SLC29A3: variants seen among roughly 807,000 people sequenced by gnomAD.
SLC29A3 encodes the protein equilibrative nucleoside transporter 3.
SLC29A3 carries 18 observed loss-of-function variants against 25.4 expected under a neutral mutation model. The observed-to-expected ratio is 0.71, with a 90% CI of 0.49 to 1.05. SLC29A3 has a LOEUF of 1.05. SLC29A3 is among the 50% of genes least tolerant of loss of function. The pLI is 0.00. For missense variants in SLC29A3, 586 were observed against 609.0 expected, an observed-to-expected ratio of 0.96 and a Z score of 0.40; for synonymous variants, 258 against 267.1, an observed-to-expected ratio of 0.97 and a Z score of 0.33.
chr10:71,356,430 CCT>C (rs1490745253), intron 5 of SLC29A3, among the ~76,000 whole-genome samples, 187 bp downstream of exon 5: 1 of 152,216 alleles, frequency 6.6e-6, no homozygotes, highest in African/African-American at 2.4e-5. Flanking sequence ...GCAGTTGGAG[CCT>C]CAAGTTTAAT....
At chr10:71,337,570 G>A (rs1233857982) in intron 2 of SLC29A3, among the ~76,000 whole-genome samples, 2 of 152,214 alleles carry the variant, frequency 1.3e-5, no homozygotes, top group African/African-American at 4.8e-5. Flanking sequence ...CTTCCTGGAG[G>A]TGGGGGCTGC....
At chr10:71,357,445 C>T (rs976614141) in intron 5 of SLC29A3, among the ~76,000 whole-genome samples, 2 of 152,148 alleles carry the variant, frequency 1.3e-5, no homozygotes, top group Admixed American at 1.3e-4. Context: ...GAGACAGAGT[C>T]TCACTATGTT....
In SLC29A3 at chr10:71,322,819, GCAGT is replaced by G. The variant is rs1318676764; in HGVS notation, c.67_70del (p.Leu24GlufsTer76). On this transcript the variant is annotated frameshift_variant, in exon 2 of 6. Coordinates refer to ENST00000373189, the MANE Select transcript of SLC29A3 (RefSeq NM_018344.6). LOFTEE classifies it high-confidence loss of function. ...AACTCCACCTACAGAACCACAAGCAGCAGTCTCCGAGCTGACCAGGAGGCACTGC... is the reference window on the plus strand; with the variant it reads ...AACTCCACCTACAGAACCACAAGCAGCTCCGAGCTGACCAGGAGGCACTGC... The G allele has an allele frequency of 4.3e-6, 7 of 1,614,070 alleles. No homozygotes were observed. The African/African-American group carries it at 9.3e-5, about 22-fold the overall frequency.
intron 4 of SLC29A3, among the ~76,000 whole-genome samples, chr10:71,376,582 A>G (rs1224657871): frequency 2.6e-5 from 4 of 152,234 alleles, no homozygotes; most frequent in African/African-American, 9.6e-5. Flanking sequence ...CAGTACCAGA[A>G]GGGCAAAGAA....
intron 2 of SLC29A3, among the ~76,000 whole-genome samples, chr10:71,325,614 G>C: frequency 6.6e-6 from 1 of 152,142 alleles, no homozygotes; most frequent in East Asian, 1.9e-4. Context: ...GGAATTCACA[G>C]ATGCCTCCCA....
intron 4 of SLC29A3, among the ~76,000 whole-genome samples, chr10:71,378,311 C>T (rs112667290): frequency 0.021 from 3,176 of 152,278 alleles, 52 homozygotes; most frequent in African/African-American, 0.041. Context: ...GTCAAACTAC[C>T]TTGCAAGCTT....
chr10:71,327,587 C>T (rs1156384122), intron 2 of SLC29A3, among the ~76,000 whole-genome samples: 2 of 152,126 alleles, frequency 1.3e-5, no homozygotes. Flanking sequence ...GGTAACCTGC[C>T]TGAGATTACA....
downstream of SLC29A3, among the ~76,000 whole-genome samples, chr10:71,366,970 C>T (rs2185416): frequency 0.19 from 28,657 of 152,112 alleles, 2,908 homozygotes; most frequent in East Asian, 0.23. Flanking sequence ...GCCTGGTTCC[C>T]GGTCTAGCTT....
intron 4 of SLC29A3, among the ~76,000 whole-genome samples, chr10:71,354,662 G>T (rs1055342659): frequency 6.6e-6 from 1 of 152,178 alleles, no homozygotes; most frequent in Non-Finnish European, 1.5e-5. Context: ...TGCCCACACG[G>T]ACCCAGCCTT....
intron 2 of SLC29A3, 74 bp from the exon 3 acceptor site, chr10:71,344,133 CCT>C (rs1390886075): frequency 8.5e-7 from 1 of 1,176,108 alleles, no homozygotes; most frequent in Non-Finnish European, 1.3e-6. Flanking sequence ...AGAGAGGGGC[CCT>C]GTCTCTGCTC....
Position 71,362,190 on chromosome 10 carries a change from C to T in SLC29A3, c.1010C>T (p.Ser337Leu), listed in dbSNP as rs200249218. ...AACATCGAGTCCCTCAACAAGGGTT[C>T]GGGCTCACTGTGGACCACCAAGTTT... ...CTNIESLNKGSGSLWTTKFFI... is the reference protein window; with the variant it reads ...CTNIESLNKGLGSLWTTKFFI... Residue 337 changes from serine (S) to leucine (L), a missense_variant, in exon 6 of 6, where the codon TCG becomes TTG. By Grantham distance (145) the Ser-to-Leu change is moderately radical (BLOSUM62 -2). Coordinates refer to ENST00000373189, the MANE Select transcript of SLC29A3 (RefSeq NM_018344.6). 54 of 1,614,118 alleles carry T rather than the reference C, an allele frequency of 3.3e-5. No homozygotes were observed. Among genetic ancestry groups the T allele is most frequent in the South Asian group, 1.2e-4 (11 of 91,082 alleles).
chr10:71,374,520 G>GGTGT (rs35500481), intron 3 of SLC29A3, among the ~76,000 whole-genome samples: 7 of 151,528 alleles, frequency 4.6e-5, no homozygotes, highest in Non-Finnish European at 7.4e-5. Context: ...TCCATGTTGG[G>GGTGT]GTGTGTGTGT....
intron 3 of SLC29A3, among the ~76,000 whole-genome samples, chr10:71,348,864 A>G (rs929446535): frequency 1.2e-4 from 19 of 152,156 alleles, no homozygotes; most frequent in Non-Finnish European, 2.2e-4. Context: ...TGAAGGTGGG[A>G]GAGTATGGAA....
chr10:71,362,041 C>T lies in SLC29A3; in HGVS notation c.861C>T (p.Ala287=), dbSNP rs1176358972. The T allele has an allele frequency of 1.2e-6, 2 of 1,614,060 alleles. No homozygotes were observed. Among genetic ancestry groups the T allele is most frequent in the African/African-American group, 1.3e-5 (1 of 74,916 alleles). The change falls in exon 6 of 6, where the codon GCC becomes GCT. Residue 287 remains alanine, a synonymous_variant. Transcript: ENST00000373189. ...ACTCCCTCAGTGCCCCTTCGGTGGC[C>T]TCCAGATTCATTGATTCCCACACAC... ...PQDSLSAPSV[A]SRFIDSHTPP...
At chr10:71,347,173 AC>A (rs1846612734) in intron 3 of SLC29A3, among the ~76,000 whole-genome samples, 1 of 152,102 alleles carries the variant, frequency 6.6e-6, no homozygotes, top group Non-Finnish European at 1.5e-5. Context: ...CTCCTGGAGA[AC>A]CGTGGCTTTC....
intron 3 of SLC29A3, among the ~76,000 whole-genome samples, chr10:71,346,619 C>T (rs1377323205): frequency 2.6e-5 from 4 of 152,132 alleles, no homozygotes; most frequent in Admixed American, 2.6e-4. Context: ...GCAGGAGGAT[C>T]GCTTGAGCCG....
At chr10:71,333,279 C>T (rs1846163087) in intron 2 of SLC29A3, among the ~76,000 whole-genome samples, 1 of 152,240 alleles carries the variant, frequency 6.6e-6, no homozygotes, top group Non-Finnish European at 1.5e-5. Context: ...CAGCCTTTGC[C>T]TGTTTAATGG....
At chr10:71,332,152 C>CTTTTTTTTT (rs10716665) in intron 2 of SLC29A3, among the ~76,000 whole-genome samples, 7 of 135,250 alleles carry the variant, frequency 5.2e-5, no homozygotes, top group East Asian at 2.1e-4. Context: ...TCTTTTTTTT[C>CTTTTTTTTT]TTTTTTTTTT....
At chr10:71,332,445 C>T (rs376755673) in intron 2 of SLC29A3, among the ~76,000 whole-genome samples, 9 of 152,266 alleles carry the variant, frequency 5.9e-5, no homozygotes, top group African/African-American at 2.2e-4. Flanking sequence ...CCACTGCACC[C>T]TACCAGCAAT....
Sources: allele counts gnomAD v4.1 joint callset (sites outside exome capture counted in the v4.1 genomes callset), GRCh38; gene constraint gnomAD v4.1.1; transcripts MANE v1.5; gene names NCBI Gene and HGNC (gene_info 2026-07-23, HGNC 2026-07-21).